The following ASPM variants were observed in gnomAD, a reference collection of about 807,000 sequenced individuals.
ASPM encodes the protein abnormal spindle-like microcephaly-associated protein.
A neutral mutation model predicts 366.4 loss-of-function variants in ASPM; 256 were observed. The ratio of observed to expected loss-of-function variants is 0.70; its 90% CI spans 0.63 to 0.77. The LOEUF (loss-of-function observed/expected upper bound fraction) is 0.77. Ranked by LOEUF, ASPM falls within the 30% of genes least tolerant of loss-of-function variation. ASPM has a pLI of 0.00. For synonymous variants in ASPM, 1,414 were observed against 1,342.9 expected, an observed-to-expected ratio of 1.05 and a Z score of -1.16; for missense variants, 4,146 against 4,090.4, an observed-to-expected ratio of 1.01 and a Z score of -0.37.
In ASPM at chr1:197,139,237, G is replaced by A. The variant is rs150665402; in HGVS notation, c.2026+530C>T. ...TGGAAAACTCCCCAAGGCTAGTGAC[G>A]GCCTCTGACCATCCTTTTACCAACT... On this transcript the variant is annotated intron_variant, in intron 4 of 27. Coordinates refer to ENST00000367409, the MANE Select transcript of ASPM (RefSeq NM_018136.5). The A allele has an allele frequency of 4.2e-5, 38 of 910,236 alleles. No homozygotes were observed. The Middle Eastern group carries it at 1.1e-3, about 26-fold the overall frequency. 56.4% of individuals were successfully genotyped at this position (910,236 alleles called of 1,614,324 possible). A position where few individuals can be genotyped will look rare whatever the true frequency, so the allele number is the denominator to read the frequency against.
At chr1:197,145,831 G>A (rs1658753413) in intron 1 of ASPM, among the ~76,000 whole-genome samples, 1 of 125,724 alleles carries the variant, frequency 8.0e-6, no homozygotes, top group African/African-American at 2.9e-5. Context: ...GTCTATCCTA[G>A]CCTTCAATTA....
At position 197,102,503 on chromosome 1, in the gene ASPM, A is replaced by G; in HGVS notation, c.6748T>C (p.Phe2250Leu). The G allele has an allele frequency of 6.2e-7, 1 of 1,612,688 alleles. No individual in the cohort carries two copies. The highest frequency in any genetic ancestry group is 8.5e-7 in the Non-Finnish European group (1 of 1,179,290). The part of the protein sequence containing the change: ...RHSVIYIQAI[F>L]RGKKARRHLK... The stretch of plus-strand genomic sequence containing the variant: ...TGTCTTCTAGCTTTCTTTCCCCTAA[A>G]AATAGCCTGAATGTATATTACAGAA... The change falls in exon 18 of 28, where the codon TTT (phenylalanine) becomes CTT (leucine). Residue 2250 changes from phenylalanine (F) to leucine (L), a missense_variant. Phe to Leu is a conservative substitution (Grantham distance 22, BLOSUM62 0). This residue lies in a region of ASPM where 3,624 missense variants were observed against 3,591.7 expected (regional missense o/e 1.01). Coordinates refer to ENST00000367409, the MANE Select transcript of ASPM (RefSeq NM_018136.5).
Position 197,128,634 on chromosome 1 carries a change from C to G in ASPM, c.2792G>C (p.Arg931Pro). Residue 931 changes from arginine to proline, a missense_variant, in exon 10 of 28, where the codon CGA becomes CCA. Physicochemically the swap from Arg to Pro is moderately radical, Grantham distance 103 (BLOSUM62 -2). This residue lies in a region of ASPM where 3,624 missense variants were observed against 3,591.7 expected (regional missense o/e 1.01). Transcript: ENST00000367409. The stretch of plus-strand genomic sequence containing the variant: ...GTCACCTTCACCACTTAGGAAATCT[C>G]GTGAAAAAGCCAAAAGGATTTCTTT... ...ASKEILLAFS[R>P]DFLSGEGDLS... 1 of 1,613,176 alleles carries G rather than the reference C, an allele frequency of 6.2e-7. No individual in the cohort carries two copies. Among genetic ancestry groups the G allele is most frequent in the Non-Finnish European group, 8.5e-7 (1 of 1,179,492 alleles).
Position 197,101,293 on chromosome 1 carries a change from G to C in ASPM, c.7958C>G (p.Ser2653Cys). ...HYLHLRATVV[S>C]IQRRYRKLTA... ...TAGTTTTCTGTATCTTCTTTGAATA[G>C]AAACTACTGTTGCTCTAAGGTGGAG... Residue 2653 changes from serine to cysteine, a missense_variant, in exon 18 of 28, where the codon TCT (serine) becomes TGT (cysteine). This residue lies in a region of ASPM where 3,624 missense variants were observed against 3,591.7 expected (regional missense o/e 1.01). Transcript: ENST00000367409. 1 of 1,611,904 alleles carries C rather than the reference G, an allele frequency of 6.2e-7. No homozygotes were observed. Among genetic ancestry groups the C allele is most frequent in the Non-Finnish European group, 8.5e-7 (1 of 1,178,928 alleles).
Position 197,103,434 on chromosome 1 carries a change from C to T in ASPM, c.5817G>A (p.Lys1939=). 2 of 1,613,354 alleles carry T rather than the reference C, an allele frequency of 1.2e-6. No individual in the cohort carries two copies. Among genetic ancestry groups the T allele is most frequent in the South Asian group, 2.2e-5 (2 of 91,074 alleles). The change falls in exon 18 of 28, where the codon AAG becomes AAA. Residue 1939 remains lysine (K), a synonymous_variant. Coordinates refer to ENST00000367409, the MANE Select transcript of ASPM (RefSeq NM_018136.5). The stretch of plus-strand genomic sequence containing the variant: ...GGAGTTCAATATACTCCATACATTG[C>T]TTCCTTCCTGCAGTCCATGCTCTGA... ...QNFRAWTAGR[K]QCMEYIELRH...
intron 26 of ASPM, among the ~76,000 whole-genome samples, chr1:197,087,639 G>A (rs1010650030): frequency 9.2e-5 from 14 of 152,042 alleles, no homozygotes; most frequent in African/African-American, 3.4e-4. Context: ...ACCTCTCAGC[G>A]ACACAATCCT....
chr1:197,139,632 CA>C, intron 4 of ASPM, 134 bp downstream of exon 4: 1 of 778,990 alleles, frequency 1.3e-6, no homozygotes, highest in South Asian at 1.4e-5. Context: ...AATATCCTGT[CA>C]TTTTAATACA....
In ASPM at chr1:197,089,953, G is replaced by A. The variant is rs1482100822; in HGVS notation, c.9961C>T (p.Gln3321Ter). The A allele has an allele frequency of 1.9e-6, 3 of 1,613,098 alleles. No individual in the cohort carries two copies. The highest frequency in any genetic ancestry group is 1.1e-5 in the South Asian group (1 of 91,052). ...PCMEVIRYAV[Q>*]VLLNVSKYEK... ...ACCTTAGATACATTAAGCAAGACTT[G>A]CACAGCATATCTGATGACTTCCATA... The change falls in exon 25 of 28, where the codon CAA (glutamine) becomes TAA (stop). Residue 3321 changes from glutamine (Q) to a stop codon, truncating the protein, a stop_gained. Transcript: ENST00000367409. LOFTEE classifies it high-confidence loss of function.
At chr1:197,094,718 A>G (rs1428110291) in intron 19 of ASPM, among the ~76,000 whole-genome samples, 1 of 151,790 alleles carries the variant, frequency 6.6e-6, no homozygotes, top group Non-Finnish European at 1.5e-5. Context: ...AGCACTAGAG[A>G]TTAAATTTTA....
rs530798551 is a variant in ASPM, at chr1:197,133,469, C to T, written c.2300G>A (p.Arg767His). The T allele has an allele frequency of 1.7e-5, 27 of 1,614,034 alleles. No homozygotes were observed. The highest frequency in any genetic ancestry group is 1.7e-4 in the Middle Eastern group (1 of 6,060). Residue 767 changes from arginine to histidine, a missense_variant, in exon 6 of 28, where the codon CGT (arginine) becomes CAT (histidine). Physicochemically the swap from Arg to His is conservative, Grantham distance 29. Transcript: ENST00000367409. ...AGAAGTAAACAAACGGCATGCTGCA[C>T]GACGTAGTCTGTTTAACCTACACCG... ...TARCRLNRLR[R>H]AACRLFTSEK...
chr1:197,104,521 A>C lies in ASPM; in HGVS notation c.4730T>G (p.Val1577Gly), dbSNP rs886045774. ...QSYWRMRQDR[V>G]RFLNLKKTII... ...AGTCTTCTTAAGGTTTAAAAATCGA[A>C]CTCTGTCTTGTCTCATTCTCCAGTA... Residue 1577 changes from valine to glycine, a missense_variant, in exon 18 of 28, where the codon GTT (valine) becomes GGT (glycine). Physicochemically the swap from Val to Gly is moderately radical, Grantham distance 109. Coordinates refer to ENST00000367409, the MANE Select transcript of ASPM (RefSeq NM_018136.5). 1.9e-6 allele frequency: 3 copies of C among 1,612,670 alleles called. No homozygotes were observed. The Middle Eastern group carries it at 5.0e-4, about 266-fold the overall frequency.
At chr1:197,119,411 G>GT (rs1191206013) in intron 16 of ASPM, among the ~76,000 whole-genome samples, 2 of 152,128 alleles carry the variant, frequency 1.3e-5, no homozygotes, top group Non-Finnish European at 2.9e-5. Context: ...GACAAAAGTT[G>GT]TAAGGGTCAG....
At chr1:197,136,424 C>T (rs891509840) in intron 4 of ASPM, among the ~76,000 whole-genome samples, 6 of 151,976 alleles carry the variant, frequency 3.9e-5, no homozygotes. Flanking sequence ...AAGGCAAATG[C>T]ATAAAATGTA....
At chr1:197,088,076 TAGTC>T (rs1656655210) in intron 26 of ASPM, 176 bp downstream of exon 26, 3 of 610,142 alleles carry the variant, frequency 4.9e-6, no homozygotes, top group Non-Finnish European at 8.4e-6. Context: ...GTTTCTTTAA[TAGTC>T]AGAAAGAAAC....
Position 197,093,102 on chromosome 1 carries a change from A to G in ASPM, c.9244T>C (p.Ser3082Pro), listed in dbSNP as rs1558324059. Reference protein sequence around the residue: ...ERIKYIEFKKSTVILQALVRG... With the variant: ...ERIKYIEFKKPTVILQALVRG... The stretch of plus-strand genomic sequence containing the variant: ...ACCAGTGCTTGTAGGATAACTGTAG[A>G]TTTTTTAAATTCAATATATTTTATC... The change falls in exon 21 of 28, where the codon TCT (serine) becomes CCT (proline). Residue 3082 changes from serine (S) to proline (P), a missense_variant. Transcript: ENST00000367409. 1 of 1,612,144 alleles carries G rather than the reference A, an allele frequency of 6.2e-7. No individual in the cohort carries two copies. The highest frequency in any genetic ancestry group is 2.2e-5 in the East Asian group (1 of 44,786).
Position 197,102,858 on chromosome 1 carries a change from C to T in ASPM, c.6393G>A (p.Gln2131=). 6.2e-7 allele frequency: 1 copy of T among 1,612,534 alleles called. No homozygotes were observed. The highest frequency in any genetic ancestry group is 8.5e-7 in the Non-Finnish European group (1 of 1,179,252). Residue 2131 remains glutamine (Q), a synonymous_variant, in exon 18 of 28, where the codon CAG becomes CAA. Coordinates refer to ENST00000367409, the MANE Select transcript of ASPM (RefSeq NM_018136.5). ...TCATTGTATGGTAACTTATTCTTGA[C>T]TGATGCATTTTAAACATGGCTTTAA... ...TFIKAMFKMH[Q]SRISYHTMRK... is the part of the protein sequence containing the mutation.
chr1:197,103,205 A>G lies in ASPM; in HGVS notation c.6046T>C (p.Leu2016=), dbSNP rs772399724. ...AYSIGREQNH[L]YLKTKAAVVT... ...ACAGCTGCTTTTGTTTTCAAATATAAATGATTCTGTTCTCTTCCAATACTG... is the reference window on the plus strand; with the variant it reads ...ACAGCTGCTTTTGTTTTCAAATATAGATGATTCTGTTCTCTTCCAATACTG... Residue 2016 remains leucine, a synonymous_variant, in exon 18 of 28, where the codon TTA becomes CTA. Transcript: ENST00000367409. 1.1e-5 allele frequency: 17 copies of G among 1,612,728 alleles called. No individual in the cohort carries two copies. The East Asian group carries it at 3.8e-4, about 36-fold the overall frequency.
At position 197,135,159 on chromosome 1, in the gene ASPM, T is replaced by C. The variant is rs1410861880; in HGVS notation, c.2110A>G (p.Thr704Ala). ...RWKEKQEQGF[T>A]WWLNFILTPD... The stretch of plus-strand genomic sequence containing the variant: ...GTTAATATAAAATTTAACCACCAAG[T>C]GAAGCCCTGTTCCTGCTTTTCCTTC... The change falls in exon 5 of 28, where the codon ACT (threonine) becomes GCT (alanine). Residue 704 changes from threonine (T) to alanine (A), a missense_variant. Thr to Ala is a moderately conservative substitution (Grantham distance 58). Coordinates refer to ENST00000367409, the MANE Select transcript of ASPM (RefSeq NM_018136.5). 4 of 1,613,144 alleles carry C rather than the reference T, an allele frequency of 2.5e-6. No individual in the cohort carries two copies. In the South Asian group the frequency reaches 4.4e-5, roughly 18 times the overall value.
chr1:197,145,083 G>T (rs1571632723), intron 1 of ASPM, among the ~76,000 whole-genome samples: 1 of 152,166 alleles, frequency 6.6e-6, no homozygotes, highest in East Asian at 1.9e-4. Context: ...GGTAGGTTCT[G>T]AAGTGTAGAT....
Sources: allele counts gnomAD v4.1 joint callset (sites outside exome capture counted in the v4.1 genomes callset), GRCh38; gene constraint gnomAD v4.1.1; regional missense constraint gnomAD v4.1.1; transcripts MANE v1.5; gene names NCBI Gene and HGNC (gene_info 2026-07-23, HGNC 2026-07-21).